FNBP4: variants seen among roughly 807,000 people sequenced by gnomAD.
The protein encoded by FNBP4 is formin-binding protein 4.
A neutral mutation model predicts 119.3 loss-of-function variants in FNBP4; 34 were observed. The observed-to-expected ratio is 0.28, with a 90% confidence interval of 0.22 to 0.38. The LOEUF is 0.38. FNBP4 is among the 10% of genes least tolerant of loss of function. FNBP4 has a pLI of 1.00. For synonymous variants in FNBP4, 462 were observed against 430.6 expected (o/e 1.07, Z -0.90); for missense variants, 1,112 against 1,228.9 (o/e 0.90, Z 1.42).
At chr11:47,766,607 T>A (rs190820736) in intron 1 of FNBP4, among the ~76,000 whole-genome samples, 1 of 152,360 alleles carries the variant, frequency 6.6e-6, no homozygotes, top group Non-Finnish European at 1.5e-5. Flanking sequence ...TCTGCTAGTG[T>A]GGGGATGCTT....
intron 12 of FNBP4, chr11:47,729,210 T>A (rs1158749499): frequency 1.0e-6 from 1 of 985,242 alleles, no homozygotes; most frequent in Non-Finnish European, 1.2e-6. Flanking sequence ...CAAAGAGAAA[T>A]TATTGTTTAG....
In FNBP4 at chr11:47,732,670, T is replaced by A; in HGVS notation, c.1687A>T (p.Thr563Ser). 6.2e-7 allele frequency: 1 copy of A among 1,613,952 alleles called. No homozygotes were observed. The highest frequency in any genetic ancestry group is 8.5e-7 in the Non-Finnish European group (1 of 1,179,922). The change falls in exon 11 of 17, where the codon ACT (threonine) becomes TCT (serine). Residue 563 changes from threonine (T) to serine (S), a missense_variant and splice_region_variant. Physicochemically the swap from Thr to Ser is moderately conservative, Grantham distance 58. Transcript: ENST00000263773. This position sits in a 1 kb window ranked among gnomAD's most constrained non-coding sequence, Gnocchi z 4.2. The part of the protein sequence containing the change: ...NFHVLLLQTE[T>S]RIADWREGAL... Reference sequence around the variant, plus strand: ...CCTTCCCGCCAGTCTGCAATTCGAGTCTAGAATAAACAGACAAATAAGTTA... The same window carrying A: ...CCTTCCCGCCAGTCTGCAATTCGAGACTAGAATAAACAGACAAATAAGTTA...
chr11:47,739,812 CTT>C (rs2097579242), intron 8 of FNBP4, among the ~76,000 whole-genome samples: 2 of 152,220 alleles, frequency 1.3e-5, no homozygotes, highest in South Asian at 2.1e-4. Flanking sequence ...GAGTTTTGCT[CTT>C]GTTGCCCAGC....
At chr11:47,753,173 CT>C in intron 3 of FNBP4, 71 bp from the exon 4 acceptor site, 2 of 1,330,260 alleles carry the variant, frequency 1.5e-6, no homozygotes, top group East Asian at 2.5e-5. Flanking sequence ...ATGGCAATCA[CT>C]TTTTAAAAAT....
At chr11:47,730,599 GATCT>G (rs1363098014) in intron 12 of FNBP4, among the ~76,000 whole-genome samples, 1 of 152,132 alleles carries the variant, frequency 6.6e-6, no homozygotes, top group Non-Finnish European at 1.5e-5. Context: ...AATTTTCAAA[GATCT>G]ATTACTTTAG....
intron 13 of FNBP4, 43 bp downstream of exon 13, chr11:47,724,425 C>A (rs2097558864): frequency 6.2e-7 from 1 of 1,613,252 alleles, no homozygotes; most frequent in South Asian, 1.1e-5. Context: ...CAATCATGTT[C>A]CAGTCCTCAA....
Position 47,723,071 on chromosome 11 carries a change from C to G in FNBP4, c.2710G>C (p.Glu904Gln). The G allele has an allele frequency of 6.2e-7, 1 of 1,606,900 alleles. No homozygotes were observed. The highest frequency in any genetic ancestry group is 8.5e-7 in the Non-Finnish European group (1 of 1,176,804). The change falls in exon 15 of 17, where the codon GAA (glutamate) becomes CAA (glutamine). Residue 904 changes from glutamate to glutamine, a missense_variant. Transcript: ENST00000263773. Reference sequence around the variant, plus strand: ...GGAGGAGGAGGTGGTGGTGGTGGTTCTATAATGGTAGCGGTAGGCACAGCA... The same window carrying G: ...GGAGGAGGAGGTGGTGGTGGTGGTTGTATAATGGTAGCGGTAGGCACAGCA... Reference protein sequence around the residue: ...RGAVPTATIIEPPPPPPPPPP... With the variant: ...RGAVPTATIIQPPPPPPPPPP...
Position 47,724,790 on chromosome 11 carries a change from GGT to G in FNBP4, c.2009-14_2009-13del. Reference sequence around the variant, plus strand: ...TTTACAAAGAGAACCTATGAAAACAGGTAAGAGTCAGGGAAAAAGCAAGAAAA... The same window carrying G: ...TTTACAAAGAGAACCTATGAAAACAGAAGAGTCAGGGAAAAAGCAAGAAAA... On this transcript the variant is annotated splice_polypyrimidine_tract_variant and intron_variant, in intron 12 of 16. Coordinates refer to ENST00000263773, the MANE Select transcript of FNBP4 (RefSeq NM_015308.5). 1 of 1,527,120 alleles carries G rather than the reference GGT, an allele frequency of 6.5e-7. No homozygotes were observed. Among genetic ancestry groups the G allele is most frequent in the Non-Finnish European group, 8.8e-7 (1 of 1,140,354 alleles). The allele number at this position is 1,527,120 out of a possible 1,614,324, so 94.6% of individuals were successfully genotyped here.
Position 47,750,959 on chromosome 11 carries a change from C to G in FNBP4, c.863G>C (p.Ser288Thr). The change falls in exon 6 of 17, where the codon AGT (serine) becomes ACT (threonine). Residue 288 changes from serine (S) to threonine (T), a missense_variant. Transcript: ENST00000263773. Reference protein sequence around the residue: ...YSKEKTISVSSSKSGPVIAKR... With the variant: ...YSKEKTISVSTSKSGPVIAKR... ...GGCTATGACTGGTCCACTTTTACTACTGGAAACAGAAATCGTTTTCTCCTT... is the reference window on the plus strand; with the variant it reads ...GGCTATGACTGGTCCACTTTTACTAGTGGAAACAGAAATCGTTTTCTCCTT... 1.9e-6 allele frequency: 3 copies of G among 1,613,998 alleles called. No homozygotes were observed. In the African/African-American group the frequency reaches 4.0e-5, roughly 22 times the overall value.
chr11:47,720,067 T>G lies in FNBP4; in HGVS notation c.2825A>C (p.Lys942Thr). The change falls in exon 16 of 17, where the codon AAA (lysine) becomes ACA (threonine). Residue 942 changes from lysine to threonine, a missense_variant. By Grantham distance (78) the Lys-to-Thr change is moderately conservative (BLOSUM62 -1). Coordinates refer to ENST00000263773, the MANE Select transcript of FNBP4 (RefSeq NM_015308.5). ...CCACTTTTTTACCAAAGATGGCATTTTGGTCTTACTCTTCTTTGCCTGTAA... is the reference window on the plus strand; with the variant it reads ...CCACTTTTTTACCAAAGATGGCATTGTGGTCTTACTCTTCTTTGCCTGTAA... Reference protein sequence around the residue: ...RKDKAKKSKTKMPSLVKKWQS... With the variant: ...RKDKAKKSKTTMPSLVKKWQS... The G allele has an allele frequency of 6.2e-7, 1 of 1,613,818 alleles. No homozygotes were observed. The highest frequency in any genetic ancestry group is 2.2e-5 in the East Asian group (1 of 44,878).
chr11:47,738,087 G>T (rs943062319), intron 8 of FNBP4, among the ~76,000 whole-genome samples: 13 of 152,096 alleles, frequency 8.5e-5, no homozygotes, highest in Non-Finnish European at 1.5e-4. Context: ...TTCCTGAACT[G>T]GTGAAGACCT....
Position 47,738,847 on chromosome 11 carries a change from A to ATTTTTTTTTTTTTTTTT in FNBP4, c.1457-2124_1457-2108dup, listed in dbSNP as rs71045510. 7.7e-4 allele frequency among the ~76,000 whole-genome samples: 86 copies of ATTTTTTTTTTTTTTTTT among 110,970 alleles called. 11 individuals are homozygous for ATTTTTTTTTTTTTTTTT. The highest frequency in any genetic ancestry group is 1.3e-3 in the Non-Finnish European group (67 of 52,490). The allele number at this position is 110,970 out of a possible 152,430, so 72.8% of individuals were successfully genotyped here. ...AGGTGTTTGCCACCATGCCCAGGTAATTTTTTTTTTTTTTTTTTTTTTTTT... is the reference window on the plus strand; with the variant it reads ...AGGTGTTTGCCACCATGCCCAGGTAATTTTTTTTTTTTTTTTTTTTTTTTTTTTTTTTTTTTTTTTTT... On this transcript the variant is annotated intron_variant, in intron 8 of 16. Transcript: ENST00000263773.
At chr11:47,762,637 G>C (rs73453044) in intron 2 of FNBP4, among the ~76,000 whole-genome samples, 3,157 of 152,002 alleles carry the variant, frequency 0.021, 128 homozygotes, top group African/African-American at 0.073. Flanking sequence ...TCTCGGCCAA[G>C]TGTGATGGCT....
At chr11:47,742,561 T>C (rs974601736) in intron 8 of FNBP4, among the ~76,000 whole-genome samples, 6 of 150,810 alleles carry the variant, frequency 4.0e-5, no homozygotes, top group African/African-American at 1.5e-4. Context: ...TTACAGAATT[T>C]TCCTTTATGT....
chr11:47,723,376 A>G (rs1052859450), intron 14 of FNBP4, 60 bp from the exon 15 acceptor site: 37 of 1,525,180 alleles, frequency 2.4e-5, no homozygotes, highest in Non-Finnish European at 3.1e-5. Context: ...AACAGATGCA[A>G]TGAAAAGAGA....
intron 16 of FNBP4, among the ~76,000 whole-genome samples, chr11:47,719,010 A>G (rs768076779): frequency 6.6e-6 from 1 of 151,856 alleles, no homozygotes; most frequent in Non-Finnish European, 1.5e-5. Context: ...GGTTCAAACA[A>G]TTCTTCTGCC....
At chr11:47,736,831 T>G in intron 8 of FNBP4, 91 bp from the exon 9 acceptor site, 1 of 1,130,818 alleles carries the variant, frequency 8.8e-7, no homozygotes, top group South Asian at 1.4e-5. Context: ...CTGCAAAAGA[T>G]TATTAGTTCT....
chr11:47,765,577 G>T (rs1265028695), intron 1 of FNBP4, among the ~76,000 whole-genome samples: 1 of 108,818 alleles, frequency 9.2e-6, no homozygotes, highest in Admixed American at 8.3e-5. Flanking sequence ...CGGGGGGGGG[G>T]GGGGGCCACT....
chr11:47,757,664 T>C (rs924323292), intron 2 of FNBP4, among the ~76,000 whole-genome samples: 2 of 151,904 alleles, frequency 1.3e-5, no homozygotes, highest in Non-Finnish European at 2.9e-5. Context: ...TGGGTAATGT[T>C]TGCATTTTTA....
Sources: allele counts gnomAD v4.1 joint callset (sites outside exome capture counted in the v4.1 genomes callset), GRCh38; gene constraint gnomAD v4.1.1; non-coding constraint Gnocchi (gnomAD v3.1); transcripts MANE v1.5; gene names NCBI Gene and HGNC (gene_info 2026-07-23, HGNC 2026-07-21).